Variants in HMGB1 observed in about 807,000 individuals in gnomAD.
HMGB1 encodes the protein high mobility group protein B1.
For missense variants in HMGB1, 79 were observed against 253.5 expected (o/e 0.31, Z 4.67); for synonymous variants, 81 against 84.0 (o/e 0.96, Z 0.19).
chr13:30,527,903 A>C (rs1888404872), intron 1 of HMGB1, among the ~76,000 whole-genome samples: 1 of 152,100 alleles, frequency 6.6e-6, no homozygotes, highest in Non-Finnish European at 1.5e-5. Flanking sequence ...CCTAATCTAT[A>C]CCCTCCTGCT....
chr13:30,466,303 C>CA (rs1030556907), upstream of HMGB1, among the ~76,000 whole-genome samples: 31 of 151,794 alleles, frequency 2.0e-4, no homozygotes, highest in Non-Finnish European at 2.6e-4. Context: ...GTCTCCCCCC[C>CA]CCTTCTTGCC....
intron 1 of HMGB1, among the ~76,000 whole-genome samples, chr13:30,477,656 G>T (rs1486573000): frequency 6.6e-6 from 1 of 152,210 alleles, no homozygotes; most frequent in East Asian, 1.9e-4. Context: ...ATGCAAAGAT[G>T]CTTGCAAATT....
intron 1 of HMGB1, among the ~76,000 whole-genome samples, chr13:30,546,776 T>A (rs892192763): frequency 6.6e-6 from 1 of 152,238 alleles, no homozygotes; most frequent in Non-Finnish European, 1.5e-5. Context: ...TAAGCCACCA[T>A]GCCCAGTCCA....
chr13:30,505,517 G>A (rs1337670828), intron 1 of HMGB1, among the ~76,000 whole-genome samples: 2 of 151,940 alleles, frequency 1.3e-5, no homozygotes, highest in African/African-American at 2.4e-5. Context: ...CACCATATTG[G>A]TTAGGCTGGT....
chr13:30,505,457 T>G (rs192929322), intron 1 of HMGB1, among the ~76,000 whole-genome samples: 2 of 152,024 alleles, frequency 1.3e-5, no homozygotes, highest in African/African-American at 4.8e-5. Context: ...GGATTACAGG[T>G]GTAAGCCACC....
rs373619806 is a variant in HMGB1 at position 30,516,735 on chromosome 13, T to C, written c.-14-53041A>G. 1.8e-4 allele frequency among the ~76,000 whole-genome samples: 28 copies of C among 152,164 alleles called. No individual in the cohort carries two copies. In the East Asian group the frequency reaches 4.8e-3, roughly 26 times the overall value. On this transcript the variant is annotated intron_variant, in intron 1 of 4. Transcript: ENST00000405805. ...GAGTTTGAGACCAGCCTGAGCACCA[T>C]AGTGAGACCCTGTCTATACAAAAAA...
chr13:30,563,023 A>G (rs559755445), intron 1 of HMGB1, among the ~76,000 whole-genome samples: 3 of 152,322 alleles, frequency 2.0e-5, no homozygotes, highest in South Asian at 2.1e-4. Flanking sequence ...GGGGGTAAAA[A>G]AAATGTCAGC....
chr13:30,521,477 T>C (rs1410625358), intron 1 of HMGB1, among the ~76,000 whole-genome samples: 1 of 152,192 alleles, frequency 6.6e-6, no homozygotes, highest in Non-Finnish European at 1.5e-5. Context: ...CAATATGTGG[T>C]CTTTTGTGAC....
At chr13:30,582,943 A>C (rs1056124890) in intron 1 of HMGB1, among the ~76,000 whole-genome samples, 1 of 152,094 alleles carries the variant, frequency 6.6e-6, no homozygotes, top group Non-Finnish European at 1.5e-5. Flanking sequence ...TTAGTCTGAA[A>C]TCTCATAATC....
At chr13:30,567,343 A>ATT (rs34781585) in intron 1 of HMGB1, among the ~76,000 whole-genome samples, 244 of 138,804 alleles carry the variant, frequency 1.8e-3, no homozygotes, top group African/African-American at 3.7e-3. Flanking sequence ...TGTTAACCAA[A>ATT]TTTTTTTTTT....
chr13:30,590,966 T>C (rs1395316644), intron 1 of HMGB1, among the ~76,000 whole-genome samples: 1 of 151,832 alleles, frequency 6.6e-6, no homozygotes, highest in Non-Finnish European at 1.5e-5. Context: ...TATAGCAGCC[T>C]GAATAGACTA....
chr13:30,464,988 G>A (rs1380100667), intron 1 of HMGB1: 1 of 40,218 alleles, frequency 2.5e-5, no homozygotes, highest in African/African-American at 8.4e-5. Context: ...GCCACTCCCC[G>A]TCTCCCTCCG....
intron 1 of HMGB1, among the ~76,000 whole-genome samples, chr13:30,519,701 T>A (rs1888194817): frequency 6.7e-6 from 1 of 148,382 alleles, no homozygotes. Flanking sequence ...CTCCATCAAT[T>A]AAAAAAAAAA....
At chr13:30,562,188 T>C (rs1177417098) in intron 1 of HMGB1, among the ~76,000 whole-genome samples, 7 of 151,298 alleles carry the variant, frequency 4.6e-5, no homozygotes, top group African/African-American at 1.7e-4. Context: ...TCCCAGCTAC[T>C]AGGGAGGCTG....
intron 1 of HMGB1, among the ~76,000 whole-genome samples, chr13:30,593,843 A>G (rs969792417): frequency 1.3e-5 from 2 of 152,358 alleles, no homozygotes; most frequent in Non-Finnish European, 2.9e-5. Flanking sequence ...AAAAATATCA[A>G]TGCCATAAAA....
chr13:30,589,007 C>CTTTTTTTTTTTTTT (rs1292576513), intron 1 of HMGB1, among the ~76,000 whole-genome samples: 2 of 141,718 alleles, frequency 1.4e-5, no homozygotes, highest in African/African-American at 5.2e-5. Flanking sequence ...TAGTTTACCA[C>CTTTTTTTTTTTTTT]TTTTTTTTTT....
intron 1 of HMGB1, among the ~76,000 whole-genome samples, chr13:30,614,570 G>C (rs1360393144): frequency 6.6e-6 from 1 of 152,194 alleles, no homozygotes; most frequent in African/African-American, 2.4e-5. Flanking sequence ...AGGTCACACA[G>C]CAGAAGAGAT....
At chr13:30,587,354 T>C (rs1281371020) in intron 1 of HMGB1, among the ~76,000 whole-genome samples, 7 of 152,234 alleles carry the variant, frequency 4.6e-5, no homozygotes, top group Non-Finnish European at 8.8e-5. Flanking sequence ...TCTCACTATG[T>C]TGCCCAGGCT....
At chr13:30,461,583 G>C (rs1009499879) in intron 4 of HMGB1, 50 bp from the exon 5 acceptor site, 4 of 1,568,348 alleles carry the variant, frequency 2.6e-6, no homozygotes, top group Non-Finnish European at 3.5e-6. Context: ...AAAACATTAA[G>C]GAAAGAAATA....
Sources: allele counts gnomAD v4.1 joint callset (sites outside exome capture counted in the v4.1 genomes callset), GRCh38; gene constraint gnomAD v4.1.1; transcripts MANE v1.5; gene names NCBI Gene and HGNC (gene_info 2026-07-23, HGNC 2026-07-21).